Variants in FSTL5 observed in about 807,000 individuals in gnomAD.
FSTL5 encodes follistatin-related protein 5.
Under a neutral mutation model 89.1 loss-of-function variants are expected in FSTL5, and 62 were observed. The observed-to-expected ratio is 0.70, with a 90% confidence interval of 0.57 to 0.86. FSTL5 has a LOEUF of 0.86. Ranked by LOEUF, FSTL5 falls within the 40% of genes least tolerant of loss-of-function variation. The pLI, the probability that FSTL5 is intolerant of heterozygous loss-of-function variation, is 0.00. For synonymous variants in FSTL5, 383 were observed against 346.2 expected, an observed-to-expected ratio of 1.11 and a Z score of -1.18; for missense variants, 1,057 against 1,001.6, an observed-to-expected ratio of 1.06 and a Z score of -0.75.
chr4:161,962,551 T>A (rs981680850), intron 3 of FSTL5, among the ~76,000 whole-genome samples: 30 of 151,972 alleles, frequency 2.0e-4, no homozygotes, highest in African/African-American at 6.8e-4. Context: ...CTTTTTTTTT[T>A]AATTCCTCGG....
chr4:161,406,363 G>A (rs1026939659), intron 15 of FSTL5, among the ~76,000 whole-genome samples: 2 of 151,912 alleles, frequency 1.3e-5, no homozygotes, highest in Non-Finnish European at 2.9e-5. Flanking sequence ...TCATTCCATT[G>A]TTTATGAAGA....
intron 15 of FSTL5, among the ~76,000 whole-genome samples, chr4:161,396,260 T>C (rs981328113): frequency 1.3e-5 from 2 of 152,004 alleles, no homozygotes; most frequent in Non-Finnish European, 2.9e-5. Context: ...GGCCACACTA[T>C]AGATTTCTAT....
intron 1 of FSTL5, among the ~76,000 whole-genome samples, chr4:162,155,942 T>A (rs1733452151): frequency 6.6e-6 from 1 of 152,216 alleles, no homozygotes; most frequent in African/African-American, 2.4e-5. Context: ...GATCTAATGA[T>A]GATTTCTGAA....
intron 4 of FSTL5, among the ~76,000 whole-genome samples, chr4:161,869,089 A>C (rs1213718361): frequency 1.3e-5 from 2 of 152,110 alleles, no homozygotes; most frequent in Non-Finnish European, 2.9e-5. Flanking sequence ...AGTACCAGCT[A>C]CTTGTGAGGC....
At chr4:162,007,187 T>A (rs1046519774) in intron 3 of FSTL5, among the ~76,000 whole-genome samples, 2 of 151,914 alleles carry the variant, frequency 1.3e-5, no homozygotes, top group Non-Finnish European at 2.9e-5. Flanking sequence ...CGAATTGCTA[T>A]CCTAGAGGAG....
At chr4:162,071,313 C>A (rs1466750842) in intron 2 of FSTL5, among the ~76,000 whole-genome samples, 1 of 151,252 alleles carries the variant, frequency 6.6e-6, no homozygotes, top group Non-Finnish European at 1.5e-5. Context: ...ACATACCATG[C>A]AAATGGAAAT....
At chr4:161,994,590 G>A (rs1736233807) in intron 3 of FSTL5, among the ~76,000 whole-genome samples, 1 of 152,164 alleles carries the variant, frequency 6.6e-6, no homozygotes, top group Non-Finnish European at 1.5e-5. Flanking sequence ...GATATGAGAT[G>A]ACATCTCACT....
intron 2 of FSTL5, among the ~76,000 whole-genome samples, chr4:162,083,969 A>G (rs1730203906): frequency 6.6e-6 from 1 of 151,970 alleles, no homozygotes. Context: ...GCAACAATAA[A>G]TCATTTTATA....
chr4:161,516,293 T>C (rs1383950364), intron 10 of FSTL5, among the ~76,000 whole-genome samples: 3 of 149,086 alleles, frequency 2.0e-5, no homozygotes, highest in Non-Finnish European at 4.5e-5. Flanking sequence ...TGGCTTAGTT[T>C]CACCACATTA....
At chr4:161,740,004 T>TTATG (rs1237956198) in intron 6 of FSTL5, among the ~76,000 whole-genome samples, 1 of 146,326 alleles carries the variant, frequency 6.8e-6, no homozygotes, top group Non-Finnish European at 1.5e-5. Flanking sequence ...ATCTATTTAT[T>TTATG]TATTTATTTA....
In FSTL5 at chr4:161,834,989, C is replaced by T. The variant is rs1341821418; in HGVS notation, c.410-58915G>A. On this transcript the variant is annotated intron_variant, in intron 4 of 15. Transcript: ENST00000306100. ...TATGACACCAAAAAAGAGCCTGCAT[C>T]GCCAAGTCAATCCTAAGCCAAAAGA... Among the ~76,000 whole-genome samples, 6 of 145,780 alleles carry T rather than the reference C, an allele frequency of 4.1e-5. 1 individual carries two copies. The highest frequency in any genetic ancestry group is 2.1e-4 in the South Asian group (1 of 4,686).
chr4:161,638,335 A>C (rs1735809645), intron 7 of FSTL5, among the ~76,000 whole-genome samples: 3 of 151,916 alleles, frequency 2.0e-5, no homozygotes, highest in Admixed American at 1.3e-4. Context: ...ACTTTGCTGA[A>C]GTTGCTTATC....
At position 161,783,753 on chromosome 4, in the gene FSTL5, TTTCTTTCC is replaced by T. The variant is rs1405385450; in HGVS notation, c.410-7687_410-7680del. Among the ~76,000 whole-genome samples the T allele has an allele frequency of 4.1e-5, 5 of 121,294 alleles. No homozygotes were observed. In the East Asian group the frequency reaches 1.2e-3, roughly 29 times the overall value. 79.6% of individuals were successfully genotyped at this position (121,294 alleles called of 152,430 possible). ...TTTCTTTTCTTTCTTTCTTTCTTTCTTTCTTTCCTTCTTTCTCTTTCTTGACAGATTCT... is the reference window on the plus strand; with the variant it reads ...TTTCTTTTCTTTCTTTCTTTCTTTCTTTCTTTCTCTTTCTTGACAGATTCT... On this transcript the variant is annotated intron_variant, in intron 4 of 15. Transcript: ENST00000306100.
In FSTL5 at chr4:161,459,244, C is replaced by A. The variant is rs1317758296; in HGVS notation, c.1684G>T (p.Gly562Cys). ...SHDQVWVLSWGTLEKTSPTLQ... is the reference protein window; with the variant it reads ...SHDQVWVLSWCTLEKTSPTLQ... ...GTTGGTGATGTCTTCTCCAAGGTAC[C>A]CCAGCTTAGCACCCAGACCTGATCA... is the stretch of plus-strand genomic sequence containing the variant. Residue 562 changes from glycine to cysteine, a missense_variant, in exon 14 of 16, where the codon GGT becomes TGT. Physicochemically the swap from Gly to Cys is radical, Grantham distance 159. This residue lies in a region of FSTL5 where 980 missense variants were observed against 903.2 expected (regional missense o/e 1.08). Transcript: ENST00000306100. 1.9e-6 allele frequency: 3 copies of A among 1,612,488 alleles called. No individual in the cohort carries two copies. Among genetic ancestry groups the A allele is most frequent in the Non-Finnish European group, 2.5e-6 (3 of 1,178,834 alleles).
intron 15 of FSTL5, among the ~76,000 whole-genome samples, chr4:161,400,507 T>C (rs554984439): frequency 3.4e-4 from 51 of 152,150 alleles, no homozygotes; most frequent in African/African-American, 1.1e-3. Flanking sequence ...CGGAGCAAGA[T>C]AGACATGATG....
chr4:161,650,196 A>G (rs1433480550), intron 7 of FSTL5, among the ~76,000 whole-genome samples: 1 of 152,244 alleles, frequency 6.6e-6, no homozygotes, highest in African/African-American at 2.4e-5. Context: ...ATGTACAAAC[A>G]TAATAGATAA....
intron 2 of FSTL5, among the ~76,000 whole-genome samples, chr4:162,107,489 C>T (rs990841858): frequency 2.0e-5 from 3 of 152,092 alleles, no homozygotes; most frequent in Admixed American, 6.6e-5. Context: ...CTCACAAATG[C>T]ACAAGACTGT....
chr4:162,000,415 AC>A (rs1265531438), intron 3 of FSTL5, among the ~76,000 whole-genome samples: 6 of 151,764 alleles, frequency 4.0e-5, no homozygotes, highest in African/African-American at 9.7e-5. Context: ...ACATGATGAA[AC>A]CCCATCTCTA....
chr4:161,907,893 T>C (rs1016064727), intron 4 of FSTL5, among the ~76,000 whole-genome samples: 18 of 152,188 alleles, frequency 1.2e-4, no homozygotes, highest in Middle Eastern at 3.4e-3. Context: ...CTATATATGG[T>C]TCTCATGGAT....
Sources: allele counts gnomAD v4.1 joint callset (sites outside exome capture counted in the v4.1 genomes callset), GRCh38; gene constraint gnomAD v4.1.1; regional missense constraint gnomAD v4.1.1; transcripts MANE v1.5; gene names NCBI Gene and HGNC (gene_info 2026-07-23, HGNC 2026-07-21).